Variants in CD58 observed in about 807,000 individuals in gnomAD.
CD58 encodes the protein lymphocyte function-associated antigen 3.
A neutral mutation model predicts 27.6 loss-of-function variants in CD58; 14 were observed. The observed-to-expected ratio is 0.51, with a 90% CI of 0.34 to 0.79. CD58 has a LOEUF of 0.79. CD58 is among the 30% of genes least tolerant of loss of function. The pLI, the probability that CD58 is intolerant of heterozygous loss-of-function variation, is 0.02. For synonymous variants in CD58, 117 were observed against 103.8 expected, an observed-to-expected ratio of 1.13 and a Z score of -0.77; for missense variants, 268 against 301.7, an observed-to-expected ratio of 0.89 and a Z score of 0.83.
Position 116,563,918 on chromosome 1 carries a change from G to A in CD58, c.70+6985C>T, listed in dbSNP as rs1324444797. 1.3e-5 allele frequency among the ~76,000 whole-genome samples: 2 copies of A among 152,212 alleles called. No individual in the cohort carries two copies. The highest frequency in any genetic ancestry group is 1.9e-4 in the East Asian group (1 of 5,194). On this transcript the variant is annotated intron_variant, in intron 1 of 5. Coordinates refer to ENST00000369489, the MANE Select transcript of CD58 (RefSeq NM_001779.3). The surrounding 1 kb of genome is among the most constrained non-coding windows in gnomAD (Gnocchi z 4.1). ...TACTTAATGCAAATTTCTGCAGCTG[G>A]CTTGAATTTTTCCTCAGAAAAGGGG...
At chr1:116,551,126 G>T (rs1366569713) in intron 1 of CD58, among the ~76,000 whole-genome samples, 1 of 152,166 alleles carries the variant, frequency 6.6e-6, no homozygotes, top group Non-Finnish European at 1.5e-5. Context: ...AGTGGTAAAT[G>T]AGCACTGGCT....
chr1:116,570,800 G>C lies in CD58; in HGVS notation c.70+103C>G. The C allele has an allele frequency of 1.2e-6, 1 of 851,862 alleles. No individual in the cohort carries two copies. Among genetic ancestry groups the C allele is most frequent in the Non-Finnish European group, 1.8e-6 (1 of 559,476 alleles). 52.8% of individuals were successfully genotyped at this position (851,862 alleles called of 1,614,324 possible). On this transcript the variant is annotated intron_variant, in intron 1 of 5. Transcript: ENST00000369489. This position sits in a 1 kb window ranked among gnomAD's most constrained non-coding sequence, Gnocchi z 6.4. The stretch of plus-strand genomic sequence containing the variant: ...GGCCCACAGCGACCCGTCCCCACCC[G>C]TCTCTGATCGGCAACCGCCTCGAGC...
At chr1:116,529,518 T>A (rs879726522) in intron 3 of CD58, among the ~76,000 whole-genome samples, 4 of 152,200 alleles carry the variant, frequency 2.6e-5, no homozygotes, top group Admixed American at 6.5e-5. Context: ...CCCAGTACAG[T>A]GGGGAAGACA....
Position 116,552,332 on chromosome 1 carries a change from C to T in CD58, c.71-7728G>A, listed in dbSNP as rs1320524721. Among the ~76,000 whole-genome samples the T allele has an allele frequency of 2.0e-5, 3 of 152,138 alleles. No individual in the cohort carries two copies. The highest frequency in any genetic ancestry group is 2.1e-4 in the South Asian group (1 of 4,824). ...TCTTGGCATCCCAAAACAATGACAA[C>T]AGTAACATCAAAGATCACTGATCAC... On this transcript the variant is annotated intron_variant, in intron 1 of 5. Coordinates refer to ENST00000369489, the MANE Select transcript of CD58 (RefSeq NM_001779.3). This position sits in a 1 kb window ranked among gnomAD's most constrained non-coding sequence, Gnocchi z 4.5.
chr1:116,553,343 C>T (rs1658454715), intron 1 of CD58, among the ~76,000 whole-genome samples: 1 of 151,890 alleles, frequency 6.6e-6, no homozygotes, highest in South Asian at 2.1e-4. Flanking sequence ...GTGTGGAAGA[C>T]TGATGGGAGG....
chr1:116,533,754 A>G (rs1657696491), intron 3 of CD58: 1 of 707,976 alleles, frequency 1.4e-6, no homozygotes, highest in Non-Finnish European at 2.6e-6. Flanking sequence ...TTGGTTCAAC[A>G]TCACCGGTGA....
rs760465773 is a variant in CD58, at chr1:116,570,058, T to C, written c.70+845A>G. Reference sequence around the variant, plus strand: ...GACGGACGGGCTGGAGGGCTGGCAGTGGGGTGCAGGAGCCAGCCATGAGAA... The same window carrying C: ...GACGGACGGGCTGGAGGGCTGGCAGCGGGGTGCAGGAGCCAGCCATGAGAA... On this transcript the variant is annotated intron_variant, in intron 1 of 5. Transcript: ENST00000369489. The surrounding 1 kb of genome is among the most constrained non-coding windows in gnomAD (Gnocchi z 6.4). Among the ~76,000 whole-genome samples, 1 of 152,052 alleles carries C rather than the reference T, an allele frequency of 6.6e-6. No individual in the cohort carries two copies. Among genetic ancestry groups the C allele is most frequent in the Non-Finnish European group, 1.5e-5 (1 of 68,022 alleles).
intron 3 of CD58, among the ~76,000 whole-genome samples, chr1:116,535,589 CCCAGCA>C (rs957807355): frequency 1.2e-4 from 12 of 98,214 alleles, no homozygotes; most frequent in Non-Finnish European, 1.8e-4. Flanking sequence ...CGCCTGTAAT[CCCAGCA>C]CTTTGGGAGG....
At position 116,532,928 on chromosome 1, in the gene CD58, T is replaced by A; in HGVS notation, c.628+3037A>T. On this transcript the variant is annotated intron_variant, in intron 3 of 5. Transcript: ENST00000369489. This position sits in a 1 kb window ranked among gnomAD's most constrained non-coding sequence, Gnocchi z 5.1. ...ACAGCCGGTCTGCCAGGCGCCCACCTCCACTTCCTACTGCTGCTTGCATTC... is the reference window on the plus strand; with the variant it reads ...ACAGCCGGTCTGCCAGGCGCCCACCACCACTTCCTACTGCTGCTTGCATTC... 1 of 1,067,706 alleles carries A rather than the reference T, an allele frequency of 9.4e-7. No homozygotes were observed. Among genetic ancestry groups the A allele is most frequent in the Non-Finnish European group, 1.4e-6 (1 of 727,102 alleles). The allele number at this position is 1,067,706 out of a possible 1,614,324, so 66.1% of individuals were successfully genotyped here.
At chr1:116,551,502 G>T (rs781383763) in intron 1 of CD58, among the ~76,000 whole-genome samples, 1 of 152,184 alleles carries the variant, frequency 6.6e-6, no homozygotes, top group Non-Finnish European at 1.5e-5. Flanking sequence ...TTAGGGTCTT[G>T]CTCTGGATTA....
chr1:116,539,506 T>TA (rs774228786), intron 2 of CD58, among the ~76,000 whole-genome samples: 26 of 151,724 alleles, frequency 1.7e-4, no homozygotes, highest in Non-Finnish European at 3.1e-4. Context: ...GCAGGGTTTG[T>TA]AAAAAAGAAA....
At chr1:116,533,873 G>A in intron 3 of CD58, 1 of 1,055,760 alleles carries the variant, frequency 9.5e-7, no homozygotes, top group South Asian at 1.3e-5. Context: ...CATCTCACCT[G>A]AATTTGTTTC....
chr1:116,549,711 A>G (rs1658324568), intron 1 of CD58, among the ~76,000 whole-genome samples: 2 of 152,236 alleles, frequency 1.3e-5, no homozygotes, highest in Non-Finnish European at 2.9e-5. Flanking sequence ...TCTTAACCCC[A>G]TAACAATCTC....
rs1360379279 is a variant in CD58, at chr1:116,559,088, A to T, written c.70+11815T>A. Among the ~76,000 whole-genome samples the T allele has an allele frequency of 6.6e-6, 1 of 152,188 alleles. No individual in the cohort carries two copies. Among genetic ancestry groups the T allele is most frequent in the African/African-American group, 2.4e-5 (1 of 41,436 alleles). ...GATGTTGGATGATGTTAAGTGCTAT[A>T]GAGAAAAATAAAGCAGAGTGTGGGG... On this transcript the variant is annotated intron_variant, in intron 1 of 5. Transcript: ENST00000369489. This position sits in a 1 kb window ranked among gnomAD's most constrained non-coding sequence, Gnocchi z 4.4.
intron 1 of CD58, among the ~76,000 whole-genome samples, chr1:116,545,853 G>A (rs1378740789): frequency 3.9e-5 from 6 of 152,176 alleles, no homozygotes; most frequent in South Asian, 2.1e-4. Flanking sequence ...GGGTTTAAAT[G>A]CATCTTGCTC....
chr1:116,524,372 C>T lies in CD58; in HGVS notation c.629-2389G>A, dbSNP rs904360183. Among the ~76,000 whole-genome samples, 3 of 152,146 alleles carry T rather than the reference C, an allele frequency of 2.0e-5. No individual in the cohort carries two copies. Among genetic ancestry groups the T allele is most frequent in the Non-Finnish European group, 4.4e-5 (3 of 68,022 alleles). On this transcript the variant is annotated intron_variant, in intron 3 of 5. Coordinates refer to ENST00000369489, the MANE Select transcript of CD58 (RefSeq NM_001779.3). The surrounding 1 kb of genome is among the most constrained non-coding windows in gnomAD (Gnocchi z 4.6). ...CTGGGTCCAAGAACCAAGAAGCATG[C>T]AAATTGCTACAGGACTGGCTCTTGT... is the stretch of plus-strand genomic sequence containing the variant.
In CD58 at chr1:116,522,726, A is replaced by C. The variant is rs984913386; in HGVS notation, c.629-743T>G. On this transcript the variant is annotated intron_variant, in intron 3 of 5. Transcript: ENST00000369489. This position sits in a 1 kb window ranked among gnomAD's most constrained non-coding sequence, Gnocchi z 4.6. ...CAGACCCTGTGTTATTTAATAAAAG[A>C]AGCAAGTGTTCCACTAGAAGGTTTG... is the stretch of plus-strand genomic sequence containing the variant. Among the ~76,000 whole-genome samples, 2 of 152,226 alleles carry C rather than the reference A, an allele frequency of 1.3e-5. No individual in the cohort carries two copies. Among genetic ancestry groups the C allele is most frequent in the Non-Finnish European group, 2.9e-5 (2 of 68,032 alleles).
chr1:116,532,823 T>A lies in CD58; in HGVS notation c.628+3142A>T, dbSNP rs1466486831. ...TGAAAATCATGCACTTGAAAACGAT[T>A]AGATGGAGTAAGCGCTGTCGACGGG... On this transcript the variant is annotated intron_variant, in intron 3 of 5. Transcript: ENST00000369489. This position sits in a 1 kb window ranked among gnomAD's most constrained non-coding sequence, Gnocchi z 5.1. 5.4e-6 allele frequency: 3 copies of A among 558,610 alleles called. No individual in the cohort carries two copies. The highest frequency in any genetic ancestry group is 9.7e-6 in the Non-Finnish European group (3 of 310,048). The allele number at this position is 558,610 out of a possible 1,614,324, so 34.6% of individuals were successfully genotyped here.
rs145961040 is a variant in CD58, at chr1:116,523,854, T to C, written c.629-1871A>G. The stretch of plus-strand genomic sequence containing the variant: ...AAAAGCAGCATTTGATTCTTCTCTT[T>C]CTTTATCGTTTTTCAAAATAATGAG... On this transcript the variant is annotated intron_variant, in intron 3 of 5. Coordinates refer to ENST00000369489, the MANE Select transcript of CD58 (RefSeq NM_001779.3). The surrounding 1 kb of genome is among the most constrained non-coding windows in gnomAD (Gnocchi z 4.4). Among the ~76,000 whole-genome samples the C allele has an allele frequency of 3.1e-3, 472 of 152,326 alleles. 1 individual carries two copies. The highest frequency in any genetic ancestry group is 8.5e-3 in the African/African-American group (354 of 41,570).
Sources: allele counts gnomAD v4.1 joint callset (sites outside exome capture counted in the v4.1 genomes callset), GRCh38; gene constraint gnomAD v4.1.1; non-coding constraint Gnocchi (gnomAD v3.1); transcripts MANE v1.5; gene names NCBI Gene and HGNC (gene_info 2026-07-23, HGNC 2026-07-21).